Variants in EXOC6 observed in about 807,000 individuals in gnomAD.
EXOC6 encodes SEC15-like 1.
Under a neutral mutation model 112.5 loss-of-function variants are expected in EXOC6, and 60 were observed. The ratio of observed to expected loss-of-function variants is 0.53; its 90% CI spans 0.43 to 0.66. The LOEUF (loss-of-function observed/expected upper bound fraction) is 0.66, where lower values mean the gene tolerates loss of function less well. EXOC6 is among the 30% of genes least tolerant of loss of function. The probability of loss-of-function intolerance (pLI) is 0.00; values close to 1 mark genes in which losing one functional copy is unlikely to be tolerated. For synonymous variants in EXOC6, 295 were observed against 308.0 expected (o/e 0.96, Z 0.44); for missense variants, 855 against 957.1 (o/e 0.89, Z 1.41).
chr10:92,919,961 TA>T lies in EXOC6; in HGVS notation c.820-16del, dbSNP rs1851336325. On this transcript the variant is annotated intron_variant, in intron 7 of 21. Coordinates refer to ENST00000260762, the MANE Select transcript of EXOC6 (RefSeq NM_019053.6). ...CTAATAGTTTGACCTATAATTTTTTTAAAAATGGTTTAATTTTCAGATCTTA... is the reference window on the plus strand; with the variant it reads ...CTAATAGTTTGACCTATAATTTTTTTAAAATGGTTTAATTTTCAGATCTTA... 6.5e-7 allele frequency: 1 copy of T among 1,541,392 alleles called. No individual in the cohort carries two copies. Among genetic ancestry groups the T allele is most frequent in the Non-Finnish European group, 8.8e-7 (1 of 1,132,662 alleles).
At position 93,014,176 on chromosome 10, in the gene EXOC6, T is replaced by C. The variant is rs754490122; in HGVS notation, c.2096-18T>C. ...TTGTGATCTCATTTTTATTCTTTTT[T>C]TTTCTTTCTTTTAATAGTGTTTGCC... is the stretch of plus-strand genomic sequence containing the variant. On this transcript the variant is annotated intron_variant, in intron 19 of 21. Transcript: ENST00000260762. 8 of 1,599,350 alleles carry C rather than the reference T, an allele frequency of 5.0e-6. No individual in the cohort carries two copies. The highest frequency in any genetic ancestry group is 6.8e-6 in the Non-Finnish European group (8 of 1,170,072).
intron 20 of EXOC6, among the ~76,000 whole-genome samples, chr10:93,017,746 T>C (rs1844597682): frequency 6.6e-6 from 1 of 151,692 alleles, no homozygotes; most frequent in South Asian, 2.1e-4. Flanking sequence ...GCGTGGTGGC[T>C]CATGCCTGTA....
intron 18 of EXOC6, among the ~76,000 whole-genome samples, chr10:92,995,623 C>T (rs1224483849): frequency 6.6e-6 from 1 of 152,182 alleles, no homozygotes; most frequent in Non-Finnish European, 1.5e-5. Flanking sequence ...TCTCCTTTCT[C>T]TGCTTCCCCA....
chr10:92,982,876 G>A (rs1227521019), intron 18 of EXOC6, among the ~76,000 whole-genome samples: 1 of 152,078 alleles, frequency 6.6e-6, no homozygotes, highest in Non-Finnish European at 1.5e-5. Flanking sequence ...AAATGTTTCT[G>A]ATGTTACTAA....
chr10:92,915,720 G>A, intron 6 of EXOC6, 38 bp from the exon 7 acceptor site: 2 of 1,446,166 alleles, frequency 1.4e-6, no homozygotes, highest in Non-Finnish European at 1.8e-6. Context: ...ACCATAATCA[G>A]TTTTGAAATA....
chr10:92,964,627 A>G (rs565540021), intron 17 of EXOC6, among the ~76,000 whole-genome samples: 3 of 152,318 alleles, frequency 2.0e-5, no homozygotes, highest in Admixed American at 2.0e-4. Context: ...AAATGTTTCT[A>G]TTATAAGATA....
chr10:92,967,336 G>T (rs1019869841), intron 17 of EXOC6, among the ~76,000 whole-genome samples: 1 of 151,940 alleles, frequency 6.6e-6, no homozygotes, highest in African/African-American at 2.4e-5. Flanking sequence ...TCTTCTTTCA[G>T]ATAAAAATAG....
At chr10:92,937,130 TA>T (rs1475463854) in intron 12 of EXOC6, among the ~76,000 whole-genome samples, 2 of 152,232 alleles carry the variant, frequency 1.3e-5, no homozygotes, top group Non-Finnish European at 2.9e-5. Flanking sequence ...TCACAGATAA[TA>T]AAGAATTGAT....
At chr10:92,957,279 T>G (rs569313365) in intron 17 of EXOC6, among the ~76,000 whole-genome samples, 3 of 152,274 alleles carry the variant, frequency 2.0e-5, no homozygotes, top group African/African-American at 7.2e-5. Context: ...AACATTACTT[T>G]TAATATGCTT....
At chr10:92,851,524 C>G (rs1255944710) in intron 1 of EXOC6, among the ~76,000 whole-genome samples, 1 of 152,038 alleles carries the variant, frequency 6.6e-6, no homozygotes, top group African/African-American at 2.4e-5. Context: ...GTAGCACACG[C>G]TTGTAATCCC....
intron 5 of EXOC6, among the ~76,000 whole-genome samples, chr10:92,903,373 A>AT (rs58146053): frequency 0.013 from 1,896 of 145,908 alleles, 26 homozygotes; most frequent in African/African-American, 0.038. Context: ...GAATAAACAA[A>AT]TTTTTTTTTT....
chr10:92,886,462 T>C (rs1376956752), intron 1 of EXOC6, among the ~76,000 whole-genome samples: 2 of 152,236 alleles, frequency 1.3e-5, no homozygotes, highest in African/African-American at 2.4e-5. Flanking sequence ...GGATTCCCTA[T>C]TGAGTCATTC....
Position 92,916,140 on chromosome 10 carries a change from C to G in EXOC6, c.819+227C>G, listed in dbSNP as rs905032394. The G allele has an allele frequency of 2.1e-5, 7 of 338,874 alleles. No homozygotes were observed. The Admixed American group carries it at 3.3e-4, about 16-fold the overall frequency. The allele number at this position is 338,874 out of a possible 1,614,324, so 21.0% of individuals were successfully genotyped here. Reference sequence around the variant, plus strand: ...ATTAGCCTGGTATCAGGAGCTATCACAATAAATTTTTTGAAACCATAGCTT... The same window carrying G: ...ATTAGCCTGGTATCAGGAGCTATCAGAATAAATTTTTTGAAACCATAGCTT... On this transcript the variant is annotated intron_variant, in intron 7 of 21. Transcript: ENST00000260762.
At chr10:92,975,777 T>G (rs1589955540) in intron 18 of EXOC6, among the ~76,000 whole-genome samples, 1 of 111,836 alleles carries the variant, frequency 8.9e-6, no homozygotes, top group South Asian at 3.1e-4. Flanking sequence ...AGCCGCCCCA[T>G]CCGGGAGGGA....
intron 13 of EXOC6, among the ~76,000 whole-genome samples, chr10:92,946,275 G>A (rs1852995917): frequency 6.6e-6 from 1 of 151,990 alleles, no homozygotes; most frequent in African/African-American, 2.4e-5. Context: ...CAGCCTGGGT[G>A]ACAGAGCTAG....
In EXOC6 at chr10:92,894,808, T is replaced by C; in HGVS notation, c.288T>C (p.Asp96=). The C allele has an allele frequency of 6.2e-7, 1 of 1,613,540 alleles. No individual in the cohort carries two copies. Among genetic ancestry groups the C allele is most frequent in the East Asian group, 2.2e-5 (1 of 44,794 alleles). Residue 96 remains aspartate, a synonymous_variant, in exon 3 of 22, where the codon GAT becomes GAC. Transcript: ENST00000260762. ...AAATTTTTAAGGTGCAAGTTACTGATACCAACCGAAGGTTTCAAGATGCTG... is the reference window on the plus strand; with the variant it reads ...AAATTTTTAAGGTGCAAGTTACTGACACCAACCGAAGGTTTCAAGATGCTG... ...DAEKLKVQVT[D]TNRRFQDAGK...
At chr10:92,853,813 C>G (rs866673046) in intron 1 of EXOC6, among the ~76,000 whole-genome samples, 1 of 152,038 alleles carries the variant, frequency 6.6e-6, no homozygotes, top group African/African-American at 2.4e-5. Flanking sequence ...ATCTTTGTGA[C>G]TTTAGGATAG....
At chr10:93,013,523 A>G (rs945227670) in intron 19 of EXOC6, among the ~76,000 whole-genome samples, 1 of 152,124 alleles carries the variant, frequency 6.6e-6, no homozygotes, top group Non-Finnish European at 1.5e-5. Flanking sequence ...TAGGAGAATC[A>G]CTTGAACCTG....
upstream of EXOC6, among the ~76,000 whole-genome samples, chr10:92,832,762 A>C (rs972669284): frequency 4.0e-5 from 6 of 149,688 alleles, no homozygotes; most frequent in Non-Finnish European, 5.9e-5. Context: ...TCCCGGGCTC[A>C]AGTGATTCTT....
Sources: gnomAD v4.1 joint callset for allele counts (sites outside exome capture counted in the v4.1 genomes callset) on GRCh38, gnomAD v4.1.1 for gene constraint, MANE v1.5 for transcripts, NCBI Gene and HGNC (gene_info 2026-07-23, HGNC 2026-07-21) for gene names.